Variants in COL5A3 observed in about 807,000 individuals in gnomAD.
The protein encoded by COL5A3 is collagen alpha-3(V) chain.
A neutral mutation model predicts 250.0 loss-of-function variants in COL5A3; 172 were observed. That is an observed-to-expected ratio of 0.69 (90% CI 0.61 to 0.78). COL5A3 has a LOEUF of 0.78. Ranked by LOEUF, COL5A3 falls within the 30% of genes least tolerant of loss-of-function variation. The pLI is 0.00. For synonymous variants in COL5A3, 937 were observed against 900.4 expected (o/e 1.04, Z -0.73); for missense variants, 2,340 against 2,334.4 (o/e 1.00, Z -0.05).
In COL5A3 at chr19:9,977,211, C is replaced by A. The variant is rs749019591; in HGVS notation, c.3288+18G>T. 3.7e-6 allele frequency: 6 copies of A among 1,612,494 alleles called. No individual in the cohort carries two copies. The highest frequency in any genetic ancestry group is 1.6e-4 in the Middle Eastern group (1 of 6,080). On this transcript the variant is annotated intron_variant, in intron 44 of 66. Coordinates refer to ENST00000264828, the MANE Select transcript of COL5A3 (RefSeq NM_015719.4). ...CCGCTACCCACCCCACCCTGCCCCA[C>A]TGGGGACCTTCACTCACCGCGTCTC... is the stretch of plus-strand genomic sequence containing the variant.
chr19:9,973,468 G>T, intron 50 of COL5A3, 102 bp downstream of exon 50: 1 of 1,185,122 alleles, frequency 8.4e-7, no homozygotes, highest in Non-Finnish European at 1.2e-6. Flanking sequence ...ACAGGGGTGA[G>T]TGGATGATCT....
chr19:10,004,201 T>C (rs2087406589), intron 4 of COL5A3, 56 bp from the exon 5 acceptor site: 2 of 1,335,096 alleles, frequency 1.5e-6, no homozygotes. Context: ...ATAGGCTTAC[T>C]CTGACCCCCT....
chr19:9,971,064 G>T, intron 52 of COL5A3, 36 bp from the exon 53 acceptor site: 1 of 1,483,724 alleles, frequency 6.7e-7, no homozygotes, highest in Non-Finnish European at 9.0e-7. Flanking sequence ...GAGGGGTGAT[G>T]AGGGTACGTG....
intron 53 of COL5A3, 142 bp from the exon 54 acceptor site, chr19:9,970,817 AG>A (rs1256300784): frequency 1.5e-5 from 15 of 1,013,160 alleles, no homozygotes; most frequent in Non-Finnish European, 4.2e-6. Context: ...TACTCCCTCA[AG>A]CTGCTCACAT....
rs1039632879 is a variant in COL5A3, at chr19:9,959,904, C to T, written c.*507G>A. The T allele has an allele frequency of 1.3e-5, 2 of 157,294 alleles. No individual in the cohort carries two copies. Among genetic ancestry groups the T allele is most frequent in the African/African-American group, 4.8e-5 (2 of 41,444 alleles). 9.7% of individuals were successfully genotyped at this position (157,294 alleles called of 1,614,324 possible). A position where few individuals can be genotyped will look rare whatever the true frequency, so the allele number is the denominator to read the frequency against. Reference sequence around the variant, plus strand: ...CCCAGTCAAGGGAAGTCCCTCTTCCCTCTGTAGTCCGACCTCAGTCCTTTC... The same window carrying T: ...CCCAGTCAAGGGAAGTCCCTCTTCCTTCTGTAGTCCGACCTCAGTCCTTTC... On this transcript the variant is annotated 3_prime_UTR_variant, in exon 67 of 67. Coordinates refer to ENST00000264828, the MANE Select transcript of COL5A3 (RefSeq NM_015719.4).
chr19:9,967,807 A>G (rs2086775696), intron 61 of COL5A3, 97 bp downstream of exon 61: 1 of 1,246,574 alleles, frequency 8.0e-7, no homozygotes, highest in Non-Finnish European at 1.1e-6. Flanking sequence ...TTGCATGAAT[A>G]AATAAATAAA....
chr19:9,963,465 C>T (rs2086698086), intron 64 of COL5A3, among the ~76,000 whole-genome samples: 1 of 150,794 alleles, frequency 6.6e-6, no homozygotes. Flanking sequence ...ATCACTGGCT[C>T]ACTGCAGCCT....
intron 8 of COL5A3, among the ~76,000 whole-genome samples, chr19:9,999,338 C>T (rs10426803): frequency 6.5e-4 from 98 of 151,608 alleles, no homozygotes; most frequent in African/African-American, 2.3e-3. Context: ...ACCACAGGTG[C>T]ACACAGCACC....
Position 9,966,598 on chromosome 19 carries a change from G to GTGCC in COL5A3, c.4603_4606dup (p.Thr1536ArgfsTer22). The GTGCC allele has an allele frequency of 6.5e-7, 1 of 1,540,558 alleles. No homozygotes were observed. Among genetic ancestry groups the GTGCC allele is most frequent in the Admixed American group, 2.0e-5 (1 of 51,038 alleles). ...GCACACGAGGCCCGGGCGCTCCGCAGTGCCGGGAGGACGCCGCAGCTGCTC... is the reference window on the plus strand; with the variant it reads ...GCACACGAGGCCCGGGCGCTCCGCAGTGCCTGCCGGGAGGACGCCGCAGCTGCTC... On this transcript the variant is annotated frameshift_variant, in exon 63 of 67. Coordinates refer to ENST00000264828, the MANE Select transcript of COL5A3 (RefSeq NM_015719.4). LOFTEE classifies it high-confidence loss of function.
Position 9,992,798 on chromosome 19 carries a change from C to G in COL5A3, c.1848+29G>C, listed in dbSNP as rs773800500. 80 of 1,610,488 alleles carry G rather than the reference C, an allele frequency of 5.0e-5. No homozygotes were observed. In the South Asian group the frequency reaches 6.2e-4, roughly 12 times the overall value. On this transcript the variant is annotated intron_variant, in intron 21 of 66. Transcript: ENST00000264828. ...ATCTCAAAACAAACAAAAAGACAGA[C>G]AGGGATGCAGAGAGCCAGTGACACT...
At chr19:9,970,398 G>A (rs1482024464) in intron 54 of COL5A3, among the ~76,000 whole-genome samples, 1 of 130,294 alleles carries the variant, frequency 7.7e-6, no homozygotes, top group African/African-American at 2.9e-5. Flanking sequence ...GGGGTGAGTG[G>A]GGTCTGTGGG....
chr19:10,004,063 T>C lies in COL5A3; in HGVS notation c.677A>G (p.Asn226Ser), dbSNP rs1183577770. ...CACCACTGTGGCTGCCGGTGCCAGG[T>C]TGTCACAGTCGGGGAGGTACCGCTC... The part of the protein sequence containing the change: ...ACERYLPDCD[N>S]LAPAATVAPQ... Residue 226 changes from asparagine to serine, a missense_variant, in exon 5 of 67, where the codon AAC becomes AGC. Physicochemically the swap from Asn to Ser is conservative, Grantham distance 46. Coordinates refer to ENST00000264828, the MANE Select transcript of COL5A3 (RefSeq NM_015719.4). 1.2e-6 allele frequency: 2 copies of C among 1,613,880 alleles called. No homozygotes were observed. The highest frequency in any genetic ancestry group is 2.2e-5 in the South Asian group (2 of 91,080).
At chr19:9,983,572 GAAAGAAAGAAAGAA>G (rs2087045197) in intron 31 of COL5A3, among the ~76,000 whole-genome samples, 1 of 71,644 alleles carries the variant, frequency 1.4e-5, no homozygotes, top group East Asian at 4.2e-4. Context: ...AAGAAAGAAA[GAAAGAAAGAAAGAA>G]AGAAAGAAAG....
chr19:9,969,208 G>C, intron 57 of COL5A3, 141 bp downstream of exon 57: 2 of 708,086 alleles, frequency 2.8e-6, no homozygotes, highest in Non-Finnish European at 4.8e-6. Context: ...GGTCAGAGCA[G>C]ATGGTTAGTA....
intron 64 of COL5A3, among the ~76,000 whole-genome samples, chr19:9,965,458 C>CTTT (rs781503204): frequency 0.17 from 23,884 of 139,208 alleles, 2,159 homozygotes; most frequent in South Asian, 0.28. Flanking sequence ...GCCCGGCCTT[C>CTTT]TTTTTTTTTT....
rs958873167 is a variant in COL5A3 at position 10,010,362 on chromosome 19, G to A, written c.24C>T (p.Gly8=). Reference sequence around the variant, plus strand: ...GCAGGCAGAGACCGGCCCGCGGCTGGCCCAGGTCCCGGCGGTTCCCCATCC... The same window carrying A: ...GCAGGCAGAGACCGGCCCGCGGCTGACCCAGGTCCCGGCGGTTCCCCATCC... The part of the protein sequence containing the change: MGNRRDL[G]QPRAGLCLLL... Residue 8 remains glycine (G), a synonymous_variant, in exon 1 of 67, where the codon GGC becomes GGT. Transcript: ENST00000264828. The A allele has an allele frequency of 1.8e-5, 26 of 1,461,772 alleles. No individual in the cohort carries two copies. Among genetic ancestry groups the A allele is most frequent in the Admixed American group, 2.5e-5 (1 of 39,994 alleles). 90.6% of individuals were successfully genotyped at this position (1,461,772 alleles called of 1,614,324 possible). A position where few individuals can be genotyped will look rare whatever the true frequency, so the allele number is the denominator to read the frequency against.
rs1218643890 is a variant in COL5A3, at chr19:10,006,094, G to T, written c.226C>A (p.Pro76Thr). 1 of 1,614,032 alleles carries T rather than the reference G, an allele frequency of 6.2e-7. No homozygotes were observed. Among genetic ancestry groups the T allele is most frequent in the Non-Finnish European group, 8.5e-7 (1 of 1,179,938 alleles). The change falls in exon 2 of 67, where the codon CCC becomes ACC. Residue 76 changes from proline (P) to threonine (T), a missense_variant. By Grantham distance (38) the Pro-to-Thr change is conservative. Transcript: ENST00000264828. Reference protein sequence around the residue: ...RIGQASTLGIPTWELFPEGHF... With the variant: ...RIGQASTLGITTWELFPEGHF... ...TCACCTGGAAAGAGTTCCCACGTGGGGATGCCGAGCGTGCTGGCCTGGCCA... is the reference window on the plus strand; with the variant it reads ...TCACCTGGAAAGAGTTCCCACGTGGTGATGCCGAGCGTGCTGGCCTGGCCA...
At position 9,967,372 on chromosome 19, in the gene COL5A3, C is replaced by T. The variant is rs1402173900; in HGVS notation, c.4433G>A (p.Gly1478Glu). 6.8e-7 allele frequency: 1 copy of T among 1,465,656 alleles called. No individual in the cohort carries two copies. Among genetic ancestry groups the T allele is most frequent in the Non-Finnish European group, 9.0e-7 (1 of 1,117,304 alleles). The allele number at this position is 1,465,656 out of a possible 1,614,324, so 90.8% of individuals were successfully genotyped here. Residue 1478 changes from glycine (G) to glutamate (E), a missense_variant, in exon 62 of 67, where the codon GGA (glycine) becomes GAA (glutamate). Around this residue, in one of 3 missense-constraint regions of COL5A3, gnomAD observed 1,179 missense variants for 1,162.6 expected, o/e 1.01. Transcript: ENST00000264828. Reference sequence around the variant, plus strand: ...CGGGGGGCCTGGTGGGCCTGCAGGTCCAGTGTCTCCACGGGGGCCCATGGA... The same window carrying T: ...CGGGGGGCCTGGTGGGCCTGCAGGTTCAGTGTCTCCACGGGGGCCCATGGA... ...PGSMGPRGDT[G>E]PAGPPGPPGA...
intron 64 of COL5A3, 100 bp downstream of exon 64, chr19:9,966,214 G>A (rs1010300784): frequency 7.8e-6 from 7 of 898,582 alleles, no homozygotes; most frequent in South Asian, 1.6e-5. Flanking sequence ...AATAAATGCC[G>A]GTTGAAGGAA....
Sources: gnomAD v4.1 joint callset for allele counts (sites outside exome capture counted in the v4.1 genomes callset) on GRCh38, gnomAD v4.1.1 for gene constraint, gnomAD v4.1.1 regional missense constraint, MANE v1.5 for transcripts, NCBI Gene and HGNC (gene_info 2026-07-23, HGNC 2026-07-21) for gene names.